The following EPM2A variants were observed in gnomAD, a reference collection of about 807,000 sequenced individuals.
EPM2A encodes EPM2A glucan phosphatase, laforin, also known as laforin.
In EPM2A, 21 loss-of-function variants were observed where a neutral mutation model predicts 26.5. That is an observed-to-expected ratio of 0.79 (90% CI 0.56 to 1.14). EPM2A has a LOEUF of 1.14. Among genes scored for constraint, EPM2A ranks in the 50% most tolerant of loss-of-function variants. The pLI is 0.00. For synonymous variants in EPM2A, 217 were observed against 177.6 expected (o/e 1.22, Z -1.76); for missense variants, 458 against 440.8 (o/e 1.04, Z -0.35).
At chr6:145,526,021 G>C (rs950391151) in intron 2 of EPM2A, among the ~76,000 whole-genome samples, 5 of 151,932 alleles carry the variant, frequency 3.3e-5, no homozygotes, top group African/African-American at 1.2e-4. Flanking sequence ...GCATTTTATT[G>C]AAAGTTTTTT....
intron 2 of EPM2A, among the ~76,000 whole-genome samples, chr6:145,519,414 G>C (rs1387960996): frequency 6.6e-6 from 1 of 152,152 alleles, no homozygotes; most frequent in Non-Finnish European, 1.5e-5. Flanking sequence ...TATGGTTCAA[G>C]AATAGAGCCG....
chr6:145,410,051 G>C (rs1345811079), intron 4 of EPM2A, among the ~76,000 whole-genome samples: 1 of 152,194 alleles, frequency 6.6e-6, no homozygotes, highest in Non-Finnish European at 1.5e-5. Context: ...TTCAATATGG[G>C]AGAAGGGTAT....
chr6:145,386,697 T>A (rs898940212), intron 4 of EPM2A, among the ~76,000 whole-genome samples: 3 of 152,174 alleles, frequency 2.0e-5, no homozygotes, highest in Non-Finnish European at 4.4e-5. Context: ...CATATTCTGA[T>A]GTGTGATATC....
At chr6:145,590,285 G>C (rs1242587680) in intron 2 of EPM2A, among the ~76,000 whole-genome samples, 1 of 152,028 alleles carries the variant, frequency 6.6e-6, no homozygotes, top group Non-Finnish European at 1.5e-5. Flanking sequence ...TCTGTCAGGG[G>C]AAGAGGGGAG....
intron 4 of EPM2A, among the ~76,000 whole-genome samples, chr6:145,458,367 A>G (rs1413496379): frequency 1.3e-5 from 2 of 152,180 alleles, no homozygotes; most frequent in Admixed American, 6.5e-5. Flanking sequence ...AGCTCTATCT[A>G]TTCTTATACA....
intron 2 of EPM2A, among the ~76,000 whole-genome samples, chr6:145,644,965 T>G (rs1277392384): frequency 6.6e-6 from 1 of 152,202 alleles, no homozygotes; most frequent in Non-Finnish European, 1.5e-5. Context: ...ATTAGACATG[T>G]AGCATAATAC....
In EPM2A at chr6:145,627,551, C is replaced by G; in HGVS notation, c.861G>C (p.Trp287Cys). 6.2e-7 allele frequency: 1 copy of G among 1,614,256 alleles called. No homozygotes were observed. Among genetic ancestry groups the G allele is most frequent in the Non-Finnish European group, 8.5e-7 (1 of 1,180,046 alleles). Residue 287 changes from tryptophan to cysteine, a missense_variant, in exon 4 of 4, where the codon TGG becomes TGC. Coordinates refer to ENST00000367519, the MANE Select transcript of EPM2A (RefSeq NM_005670.4). ...VCGWLQYVMG[W>C]NLRKVQYFLM... ...GGAAATACTGCACCTTCCTCAGATTCCAGCCCATCACATACTGGAGCCAGC... is the reference window on the plus strand; with the variant it reads ...GGAAATACTGCACCTTCCTCAGATTGCAGCCCATCACATACTGGAGCCAGC...
In EPM2A at chr6:145,596,853, C is replaced by T. The variant is rs536842058; in HGVS notation, c.340+38392G>A. On this transcript the variant is annotated intron_variant, in intron 2 of 3. Transcript: ENST00000450221. Reference sequence around the variant, plus strand: ...CCTTCCTACTCTTTACTTTCTTCTACGTTGTATATGCTCTCTCCGAGATCT... The same window carrying T: ...CCTTCCTACTCTTTACTTTCTTCTATGTTGTATATGCTCTCTCCGAGATCT... 1.7e-4 allele frequency among the ~76,000 whole-genome samples: 25 copies of T among 144,326 alleles called. 1 individual carries two copies. In the East Asian group the frequency reaches 5.0e-3, roughly 29 times the overall value. The allele number at this position is 144,326 out of a possible 152,430, so 94.7% of individuals were successfully genotyped here. A position where few individuals can be genotyped will look rare whatever the true frequency, so the allele number is the denominator to read the frequency against.
At chr6:145,734,953 G>A (rs1655387824) in intron 1 of EPM2A, 1 of 284,330 alleles carries the variant, frequency 3.5e-6, no homozygotes, top group Non-Finnish European at 6.5e-6. Context: ...TGGGCGGGAA[G>A]GCGGCCGGGA....
intron 4 of EPM2A, among the ~76,000 whole-genome samples, chr6:145,468,992 A>T (rs979856905): frequency 2.6e-5 from 4 of 152,138 alleles, no homozygotes; most frequent in Admixed American, 6.6e-5. Flanking sequence ...CTTAATAGAC[A>T]TTTGTGTTAG....
intron 2 of EPM2A, among the ~76,000 whole-genome samples, chr6:145,588,173 A>G (rs1360551923): frequency 6.6e-6 from 1 of 152,132 alleles, no homozygotes; most frequent in East Asian, 1.9e-4. Flanking sequence ...GATTTTGTAA[A>G]CCTCATTGAA....
At chr6:145,581,809 G>A (rs1402010836) in intron 2 of EPM2A, among the ~76,000 whole-genome samples, 1 of 152,118 alleles carries the variant, frequency 6.6e-6, no homozygotes, top group East Asian at 1.9e-4. Context: ...AGATGTGCAG[G>A]CTTTTTCCTG....
chr6:145,408,498 T>C (rs925641946), intron 4 of EPM2A, among the ~76,000 whole-genome samples: 1 of 152,198 alleles, frequency 6.6e-6, no homozygotes, highest in Non-Finnish European at 1.5e-5. Flanking sequence ...TTACTCTCTC[T>C]GGGTTTCATA....
chr6:145,475,115 C>A (rs1779524932), intron 4 of EPM2A, among the ~76,000 whole-genome samples: 1 of 152,176 alleles, frequency 6.6e-6, no homozygotes, highest in African/African-American at 2.4e-5. Flanking sequence ...AATCCCATTA[C>A]TGGGTATATA....
intron 1 of EPM2A, among the ~76,000 whole-genome samples, chr6:145,687,935 C>T (rs949661878): frequency 6.6e-6 from 1 of 152,076 alleles, no homozygotes; most frequent in African/African-American, 2.4e-5. Flanking sequence ...AACCTCACTT[C>T]TAGAAACATA....
At chr6:145,451,879 G>A (rs1779199647) in intron 4 of EPM2A, among the ~76,000 whole-genome samples, 1 of 58,576 alleles carries the variant, frequency 1.7e-5, no homozygotes, top group Admixed American at 2.3e-4. Context: ...CCTTTTGATC[G>A]CCATTGATTT....
chr6:145,484,072 C>T (rs912488367), intron 4 of EPM2A, among the ~76,000 whole-genome samples: 9 of 152,142 alleles, frequency 5.9e-5, no homozygotes, highest in Non-Finnish European at 8.8e-5. Context: ...GATGAATAGG[C>T]TGGTTCTTTC....
chr6:145,459,622 T>C (rs933884636), intron 4 of EPM2A, among the ~76,000 whole-genome samples: 1 of 152,192 alleles, frequency 6.6e-6, no homozygotes, highest in African/African-American at 2.4e-5. Flanking sequence ...CAAATATTTA[T>C]GCTCTTACCT....
At chr6:145,474,107 C>A (rs1398397343) in intron 4 of EPM2A, among the ~76,000 whole-genome samples, 1 of 152,078 alleles carries the variant, frequency 6.6e-6, no homozygotes, top group African/African-American at 2.4e-5. Flanking sequence ...ATAAGTACAA[C>A]AATTTTTCAA....
Sources: allele counts gnomAD v4.1 joint callset (sites outside exome capture counted in the v4.1 genomes callset), GRCh38; gene constraint gnomAD v4.1.1; transcripts MANE v1.5; gene names NCBI Gene and HGNC (gene_info 2026-07-23, HGNC 2026-07-21).